PLCG2: variants seen among roughly 807,000 people sequenced by gnomAD.
The protein encoded by PLCG2 is phospholipase C gamma 2.
In PLCG2, 69 loss-of-function variants were observed where a neutral mutation model predicts 175.6. The observed-to-expected ratio is 0.39, with a 90% CI of 0.32 to 0.48. The LOEUF (loss-of-function observed/expected upper bound fraction) is 0.48, where lower values mean the gene tolerates loss of function less well. PLCG2 is among the 20% of genes least tolerant of loss of function. PLCG2 has a pLI of 0.91. For missense variants in PLCG2, 1,798 were observed against 1,650.9 expected (o/e 1.09, Z -1.54); for synonymous variants, 827 against 624.0 (o/e 1.33, Z -4.85).
chr16:81,956,151 G>A (rs1205545759), intron 31 of PLCG2, among the ~76,000 whole-genome samples: 2 of 152,166 alleles, frequency 1.3e-5, no homozygotes, highest in Non-Finnish European at 2.9e-5. Flanking sequence ...GGCATCGTGT[G>A]ATTTGTGATC....
intron 2 of PLCG2, among the ~76,000 whole-genome samples, chr16:81,837,138 A>T (rs1905560023): frequency 6.6e-6 from 1 of 152,238 alleles, no homozygotes; most frequent in African/African-American, 2.4e-5. Context: ...AACAAAAACA[A>T]AAAAAGACAA....
chr16:81,891,693 G>T, intron 11 of PLCG2, 103 bp downstream of exon 11: 1 of 726,844 alleles, frequency 1.4e-6, no homozygotes, highest in Non-Finnish European at 2.5e-6. Flanking sequence ...TGTGAAGCAG[G>T]TGGAGGGTGT....
At chr16:81,815,710 G>C (rs1904512700) in intron 2 of PLCG2, among the ~76,000 whole-genome samples, 1 of 152,136 alleles carries the variant, frequency 6.6e-6, no homozygotes, top group African/African-American at 2.4e-5. Flanking sequence ...TGGCTTCTTC[G>C]ATTCTCGCGG....
chr16:81,860,045 G>A (rs564991847), intron 5 of PLCG2, among the ~76,000 whole-genome samples: 9 of 151,718 alleles, frequency 5.9e-5, no homozygotes, highest in East Asian at 1.9e-4. Flanking sequence ...GTCATAGCTC[G>A]CTGCAGCCGT....
At chr16:81,852,886 G>T (rs939214267) in intron 2 of PLCG2, among the ~76,000 whole-genome samples, 1 of 152,146 alleles carries the variant, frequency 6.6e-6, no homozygotes, top group Non-Finnish European at 1.5e-5. Flanking sequence ...CAGCTGGGCT[G>T]TTGGCTGAGG....
Position 81,900,699 on chromosome 16 carries a change from C to G in PLCG2, c.1281C>G (p.Asp427Glu). Residue 427 changes from aspartate (D) to glutamate (E), a missense_variant, in exon 14 of 33, where the codon GAC (aspartate) becomes GAG (glutamate). Asp to Glu is a conservative substitution (Grantham distance 45, BLOSUM62 2). Transcript: ENST00000564138. ...MAKAFKEVFG[D>E]LLLTKPTEAS... is the part of the protein sequence containing the mutation. ...AGGCCTTCAAGGAAGTATTTGGCGACCTGCTGTTGACGAAGCCCACGGAGG... is the reference window on the plus strand; with the variant it reads ...AGGCCTTCAAGGAAGTATTTGGCGAGCTGCTGTTGACGAAGCCCACGGAGG... 1 of 1,613,474 alleles carries G rather than the reference C, an allele frequency of 6.2e-7. No homozygotes were observed. Among genetic ancestry groups the G allele is most frequent in the Non-Finnish European group, 8.5e-7 (1 of 1,179,416 alleles).
chr16:81,834,170 T>A (rs1361695373), intron 2 of PLCG2, among the ~76,000 whole-genome samples: 1 of 152,216 alleles, frequency 6.6e-6, no homozygotes. Context: ...GGGCTGTCTC[T>A]GGAAAATGGG....
At chr16:81,900,559 A>G (rs530573680) in intron 13 of PLCG2, 53 bp from the exon 14 acceptor site, 1,373 of 1,508,654 alleles carry the variant, frequency 9.1e-4, no homozygotes, top group Non-Finnish European at 1.1e-3. Context: ...TGTGGGGCAG[A>G]TGCAGAGGTG....
chr16:81,895,978 G>T (rs1340433178), intron 13 of PLCG2, 51 bp downstream of exon 13: 22 of 1,609,836 alleles, frequency 1.4e-5, no homozygotes, highest in Non-Finnish European at 1.8e-5. Flanking sequence ...AGGCAGCTAG[G>T]GTTGGATAGA....
intron 2 of PLCG2, among the ~76,000 whole-genome samples, chr16:81,792,183 A>G (rs1911262861): frequency 6.6e-6 from 1 of 152,282 alleles, no homozygotes; most frequent in South Asian, 2.1e-4. Flanking sequence ...TTATGGTGCT[A>G]ATAAAGACAT....
intron 11 of PLCG2, among the ~76,000 whole-genome samples, chr16:81,892,734 G>C (rs369813220): frequency 6.6e-6 from 1 of 152,066 alleles, no homozygotes; most frequent in Non-Finnish European, 1.5e-5. Flanking sequence ...GAGGTTTGCT[G>C]TGCAGATTAT....
intron 2 of PLCG2, among the ~76,000 whole-genome samples, chr16:81,797,524 C>T (rs1005095403): frequency 2.0e-5 from 3 of 152,192 alleles, no homozygotes; most frequent in African/African-American, 7.2e-5. Context: ...GCTGGGAGGC[C>T]AGGGACCCTG....
chr16:81,934,474 G>A lies in PLCG2; in HGVS notation c.2785G>A (p.Glu929Lys). 6.2e-7 allele frequency: 1 copy of A among 1,613,738 alleles called. No homozygotes were observed. Among genetic ancestry groups the A allele is most frequent in the Non-Finnish European group, 8.5e-7 (1 of 1,179,808 alleles). The change falls in exon 26 of 33, where the codon GAG becomes AAG. Residue 929 changes from glutamate to lysine, a missense_variant. Coordinates refer to ENST00000564138, the MANE Select transcript of PLCG2 (RefSeq NM_002661.5). ...YWEKNQSIAIELSDLVVYCKP... is the reference protein window; with the variant it reads ...YWEKNQSIAIKLSDLVVYCKP... ...GGAGAAGAACCAGTCCATCGCCATC[G>A]AGCTCTCTGACCTGGTTGTCTACTG...
At chr16:81,838,012 G>A (rs1905615368) in intron 2 of PLCG2, among the ~76,000 whole-genome samples, 1 of 152,094 alleles carries the variant, frequency 6.6e-6, no homozygotes, top group Non-Finnish European at 1.5e-5. Flanking sequence ...AGAGACTAAA[G>A]CAATGTAATG....
intron 26 of PLCG2, chr16:81,935,599 G>C (rs866057730): frequency 4.1e-6 from 4 of 985,250 alleles, no homozygotes; most frequent in Middle Eastern, 1.0e-3. Flanking sequence ...CCAGTCCCTA[G>C]GAACTTCTAC....
chr16:81,923,417 G>T, intron 21 of PLCG2, 68 bp from the exon 22 acceptor site: 1 of 914,524 alleles, frequency 1.1e-6, no homozygotes. Context: ...AATGGTACCT[G>T]GGAACGCAGC....
chr16:81,912,780 A>T, intron 19 of PLCG2, 64 bp downstream of exon 19: 1 of 1,490,602 alleles, frequency 6.7e-7, no homozygotes. Flanking sequence ...ATGCGGAGAG[A>T]CAAGGGGGAA....
intron 1 of PLCG2, among the ~76,000 whole-genome samples, chr16:81,739,885 C>G (rs933555054): frequency 6.6e-6 from 1 of 152,172 alleles, no homozygotes; most frequent in African/African-American, 2.4e-5. Context: ...TGCCTGTAAT[C>G]CCAGCGCTTT....
chr16:81,794,733 C>T (rs901476198), intron 2 of PLCG2, among the ~76,000 whole-genome samples: 1 of 152,148 alleles, frequency 6.6e-6, no homozygotes, highest in Non-Finnish European at 1.5e-5. Flanking sequence ...GTATTTTTTG[C>T]TCTTGCTGTC....
Sources: allele counts gnomAD v4.1 joint callset (sites outside exome capture counted in the v4.1 genomes callset), GRCh38; gene constraint gnomAD v4.1.1; transcripts MANE v1.5; gene names NCBI Gene and HGNC (gene_info 2026-07-23, HGNC 2026-07-21).